The following SLC26A7 variants were observed in gnomAD, a reference collection of about 807,000 sequenced individuals.
SLC26A7 encodes the protein solute carrier family 26 member 7, also known as anion exchange transporter.
In SLC26A7, 59 loss-of-function variants were observed where a neutral mutation model predicts 82.5. That is an observed-to-expected ratio of 0.72 (90% CI 0.58 to 0.89). SLC26A7 has a LOEUF of 0.89. Ranked by LOEUF, SLC26A7 falls within the 40% of genes least tolerant of loss-of-function variation. The pLI is 0.00. For missense variants in SLC26A7, 820 were observed against 793.0 expected (o/e 1.03, Z -0.41); for synonymous variants, 271 against 274.3 (o/e 0.99, Z 0.12).
chr8:91,258,657 G>C (rs185332050), intron 2 of SLC26A7, among the ~76,000 whole-genome samples: 66 of 151,648 alleles, frequency 4.4e-4, no homozygotes, highest in Admixed American at 2.6e-3. Context: ...TCTTCATAAT[G>C]ACCCTAAGAG....
intron 15 of SLC26A7, among the ~76,000 whole-genome samples, chr8:91,377,196 C>T (rs1814541906): frequency 6.6e-6 from 1 of 152,196 alleles, no homozygotes; most frequent in Admixed American, 6.5e-5. Flanking sequence ...TTCCTTCACA[C>T]ATACCAGCCC....
intron 2 of SLC26A7, among the ~76,000 whole-genome samples, chr8:91,243,072 C>T (rs1032198301): frequency 4.6e-5 from 7 of 152,096 alleles, no homozygotes; most frequent in South Asian, 4.2e-4. Flanking sequence ...TTTAATTGTG[C>T]GGTAATGTTT....
chr8:91,220,794 A>C (rs140359562), intron 2 of SLC26A7, among the ~76,000 whole-genome samples: 186 of 152,254 alleles, frequency 1.2e-3, no homozygotes, highest in African/African-American at 4.2e-3. Context: ...GCTATTGTAA[A>C]TAGTGCTACA....
chr8:91,283,220 A>G (rs1307295762), intron 2 of SLC26A7, among the ~76,000 whole-genome samples: 1 of 152,140 alleles, frequency 6.6e-6, no homozygotes, highest in Non-Finnish European at 1.5e-5. Flanking sequence ...GCCAGAGAAT[A>G]TATGAGATAA....
intron 2 of SLC26A7, among the ~76,000 whole-genome samples, chr8:91,261,420 A>G (rs975137938): frequency 6.6e-6 from 1 of 152,218 alleles, no homozygotes; most frequent in Admixed American, 6.5e-5. Flanking sequence ...TTTCTTAATG[A>G]AAGTTTGTGG....
At chr8:91,265,325 G>T (rs548394349) in intron 2 of SLC26A7, among the ~76,000 whole-genome samples, 1 of 152,110 alleles carries the variant, frequency 6.6e-6, no homozygotes, top group Non-Finnish European at 1.5e-5. Flanking sequence ...CTTGGCTATT[G>T]TGGATAGTGC....
At chr8:91,305,457 C>T (rs558326315) in intron 4 of SLC26A7, among the ~76,000 whole-genome samples, 1 of 152,272 alleles carries the variant, frequency 6.6e-6, no homozygotes, top group South Asian at 2.1e-4. Context: ...AACACAACTA[C>T]TCTACAACTC....
At chr8:91,298,746 C>T (rs999880790) in intron 4 of SLC26A7, among the ~76,000 whole-genome samples, 3 of 152,232 alleles carry the variant, frequency 2.0e-5, no homozygotes, top group Middle Eastern at 6.8e-3. Flanking sequence ...GAAAGGCACA[C>T]TCAGAACTGT....
intron 2 of SLC26A7, among the ~76,000 whole-genome samples, chr8:91,241,977 C>A (rs1246991985): frequency 6.6e-6 from 1 of 152,130 alleles, no homozygotes; most frequent in Admixed American, 6.5e-5. Flanking sequence ...CCCTACATGT[C>A]AAACACTATT....
intron 5 of SLC26A7, 103 bp from the exon 6 acceptor site, chr8:91,334,192 G>C (rs2130830765): frequency 9.1e-7 from 1 of 1,096,876 alleles, no homozygotes; most frequent in Non-Finnish European, 1.3e-6. Flanking sequence ...TAGCCATTAA[G>C]ATAGTTTTAT....
chr8:91,376,995 C>G (rs1814534991), intron 15 of SLC26A7, among the ~76,000 whole-genome samples: 1 of 152,112 alleles, frequency 6.6e-6, no homozygotes, highest in Non-Finnish European at 1.5e-5. Flanking sequence ...CCCACTAAAA[C>G]CAACTCAGGG....
intron 2 of SLC26A7, among the ~76,000 whole-genome samples, chr8:91,279,728 T>G (rs1023969991): frequency 2.6e-5 from 4 of 151,944 alleles, no homozygotes; most frequent in Non-Finnish European, 5.9e-5. Flanking sequence ...CCCGGCTAAT[T>G]TTTTGTATTT....
At chr8:91,362,535 C>A in intron 12 of SLC26A7, 76 bp downstream of exon 12, 1 of 1,064,464 alleles carries the variant, frequency 9.4e-7, no homozygotes, top group Non-Finnish European at 1.4e-6. Flanking sequence ...ATGGTACTTG[C>A]TAGTTACTTT....
At chr8:91,342,335 A>T (rs534844768) in intron 8 of SLC26A7, among the ~76,000 whole-genome samples, 1 of 152,254 alleles carries the variant, frequency 6.6e-6, no homozygotes. Flanking sequence ...TTCTGTATTT[A>T]TCTTGTTTAT....
chr8:91,252,513 TG>T (rs1180421726), intron 2 of SLC26A7, among the ~76,000 whole-genome samples: 1 of 152,022 alleles, frequency 6.6e-6, no homozygotes, highest in Non-Finnish European at 1.5e-5. Flanking sequence ...GTTTTTCTCC[TG>T]CTACCTGTCT....
rs144378729 is a variant in SLC26A7, at chr8:91,211,595, A to AATATATAT, written c.-150+2068_-150+2075dup. On this transcript the variant is annotated intron_variant, in intron 1 of 5. Coordinates refer to the SLC26A7 transcript ENST00000522862. ...ATGTTAAGTAGACAGCAATTATACA[A>AATATATAT]ATATATATATATATATATATATTTT... Among the ~76,000 whole-genome samples, 7 of 140,434 alleles carry AATATATAT rather than the reference A, an allele frequency of 5.0e-5. No homozygotes were observed. In the East Asian group the frequency reaches 6.0e-4, roughly 12 times the overall value. 92.1% of individuals were successfully genotyped at this position (140,434 alleles called of 152,430 possible). A position where few individuals can be genotyped will look rare whatever the true frequency, so the allele number is the denominator to read the frequency against.
intron 11 of SLC26A7, among the ~76,000 whole-genome samples, chr8:91,357,893 T>A (rs1318838680): frequency 1.3e-5 from 2 of 152,074 alleles, no homozygotes; most frequent in African/African-American, 4.8e-5. Flanking sequence ...GAATCTACAA[T>A]GAACTCAAAC....
intron 15 of SLC26A7, among the ~76,000 whole-genome samples, chr8:91,370,343 A>G (rs964521401): frequency 2.9e-5 from 4 of 140,036 alleles, no homozygotes; most frequent in Non-Finnish European, 6.2e-5. Context: ...CTCCTCTCCC[A>G]CCTCTTTTCC....
Position 91,329,670 on chromosome 8 carries a change from C to T in SLC26A7, c.643-4625C>T, listed in dbSNP as rs112018681. ...TTGTCATGGCATACTTTTAATACCACATAAAACAGCAGAAAAGATATTCTC... is the reference window on the plus strand; with the variant it reads ...TTGTCATGGCATACTTTTAATACCATATAAAACAGCAGAAAAGATATTCTC... On this transcript the variant is annotated intron_variant, in intron 5 of 18. Transcript: ENST00000276609. Among the ~76,000 whole-genome samples the T allele has an allele frequency of 1.3e-3, 201 of 152,224 alleles. 2 individuals carry two copies. Among genetic ancestry groups the T allele is most frequent in the African/African-American group, 4.8e-3 (198 of 41,554 alleles).
Sources: gnomAD v4.1 joint callset for allele counts (sites outside exome capture counted in the v4.1 genomes callset) on GRCh38, gnomAD v4.1.1 for gene constraint, MANE v1.5 for transcripts, NCBI Gene and HGNC (gene_info 2026-07-23, HGNC 2026-07-21) for gene names.